PER1: variants seen among roughly 807,000 people sequenced by gnomAD.
PER1 encodes the protein period circadian regulator 1.
PER1 carries 87 observed loss-of-function variants against 125.9 expected under a neutral mutation model. That is an observed-to-expected ratio of 0.69 (90% CI 0.58 to 0.83). The LOEUF is 0.83. PER1 is among the 40% of genes least tolerant of loss of function. PER1 has a pLI of 0.00. For missense variants in PER1, 1,775 were observed against 1,722.8 expected (o/e 1.03, Z -0.54); for synonymous variants, 801 against 714.7 (o/e 1.12, Z -1.93).
At position 8,148,735 on chromosome 17, in the gene PER1, G is replaced by C; in HGVS notation, c.957C>G (p.Thr319=). 6.2e-7 allele frequency: 1 copy of C among 1,614,040 alleles called. No homozygotes were observed. ...PGPRYQPFRL[T]PYVTKIRVSD... ...AGACCCGGATCTTGGTCACATACGG[G>C]GTTAGGCGGAATGGCTGGTACCGAG... The change falls in exon 8 of 23, where the codon ACC becomes ACG. Residue 319 remains threonine, a synonymous_variant. Coordinates refer to ENST00000317276, the MANE Select transcript of PER1 (RefSeq NM_002616.3).
chr17:8,147,254 G>C lies in PER1; in HGVS notation c.1625C>G (p.Ala542Gly). Residue 542 changes from alanine to glycine, a missense_variant, in exon 13 of 23, where the codon GCG (alanine) becomes GGG (glycine). By Grantham distance (60) the Ala-to-Gly change is moderately conservative. Coordinates refer to ENST00000317276, the MANE Select transcript of PER1 (RefSeq NM_002616.3). ...AGGTAGGAGCAGGTCACTCACTGGC[G>C]CAGGAGGCCCAGGCCCCTCTGCATC... ...GGDAEGPGPP[A>G]PVTFQQICKD... The C allele has an allele frequency of 6.2e-7, 1 of 1,606,612 alleles. No homozygotes were observed.
intron 21 of PER1, 60 bp from the exon 22 acceptor site, chr17:8,142,015 T>C: frequency 1.2e-6 from 2 of 1,602,024 alleles, no homozygotes; most frequent in South Asian, 1.1e-5. Flanking sequence ...CCAGGACCCA[T>C]GAAGCTGGCA....
chr17:8,147,128 A>ACC, intron 13 of PER1, 122 bp downstream of exon 13: 12 of 1,411,046 alleles, frequency 8.5e-6, no homozygotes, highest in Non-Finnish European at 1.1e-5. Flanking sequence ...CAGGACAAGA[A>ACC]GGAAAAGGCA....
At position 8,146,059 on chromosome 17, in the gene PER1, A is replaced by G; in HGVS notation, c.2117T>C (p.Leu706Pro). The G allele has an allele frequency of 6.2e-7, 1 of 1,613,970 alleles. No individual in the cohort carries two copies. The highest frequency in any genetic ancestry group is 2.2e-5 in the East Asian group (1 of 44,878). Reference protein sequence around the residue: ...EPVVGGTLSPLALANKAESVV... With the variant: ...EPVVGGTLSPPALANKAESVV... ...ACTCTCCGCCTTATTGGCCAGGGCG[A>G]GCGGGCTCAGGGTGCCTCCCACCAC... Residue 706 changes from leucine to proline, a missense_variant, in exon 17 of 23, where the codon CTC becomes CCC. By Grantham distance (98) the Leu-to-Pro change is moderately conservative (BLOSUM62 -3). Coordinates refer to ENST00000317276, the MANE Select transcript of PER1 (RefSeq NM_002616.3).
intron 11 of PER1, 39 bp from the exon 12 acceptor site, chr17:8,147,617 T>C: frequency 6.2e-7 from 1 of 1,613,354 alleles, no homozygotes; most frequent in Non-Finnish European, 8.5e-7. Flanking sequence ...GGCCCGGTCC[T>C]GTCCCCCACC....
At position 8,149,832 on chromosome 17, in the gene PER1, G is replaced by A. The variant is rs377085589; in HGVS notation, c.574C>T (p.Pro192Ser). ...YQQWSLEEGE[P>S]CSMDMSTYTL... ...TAGGTGGACATGTCCATGGAGCAAG[G>A]CTCGCCCTCCTCCAGGCTCCACTGC... The change falls in exon 5 of 23, where the codon CCT becomes TCT. Residue 192 changes from proline (P) to serine (S), a missense_variant. Transcript: ENST00000317276. The A allele has an allele frequency of 6.2e-7, 1 of 1,614,032 alleles. No homozygotes were observed. Among genetic ancestry groups the A allele is most frequent in the African/African-American group, 1.3e-5 (1 of 75,060 alleles).
intron 19 of PER1, 108 bp from the exon 20 acceptor site, chr17:8,142,943 C>G: frequency 1.2e-6 from 1 of 827,520 alleles, no homozygotes; most frequent in Non-Finnish European, 1.9e-6. Context: ...CCAGTGGTCT[C>G]TGCTCCCCAC....
intron 1 of PER1, among the ~76,000 whole-genome samples, chr17:8,152,044 A>G (rs1292926290): frequency 6.6e-6 from 1 of 152,172 alleles, no homozygotes; most frequent in Non-Finnish European, 1.5e-5. Flanking sequence ...GGGCCCCTCG[A>G]GTAACGAGCA....
chr17:8,148,835 A>G (rs1339006043), intron 7 of PER1, 49 bp from the exon 8 acceptor site: 1 of 1,600,602 alleles, frequency 6.2e-7, no homozygotes, highest in East Asian at 2.2e-5. Flanking sequence ...AGAGCCACCC[A>G]CTCCTCCAAC....
In PER1 at chr17:8,146,369, T is replaced by C. The variant is rs1397471156; in HGVS notation, c.2038+3A>G. ...GTGGGAGCAGGGTGCATTGGATCTTTACCTTTCTTGGTCCCCACAGAGACT... is the reference window on the plus strand; with the variant it reads ...GTGGGAGCAGGGTGCATTGGATCTTCACCTTTCTTGGTCCCCACAGAGACT... On this transcript the variant is annotated splice_donor_region_variant and intron_variant, in intron 16 of 22. Transcript: ENST00000317276. 1 of 1,598,098 alleles carries C rather than the reference T, an allele frequency of 6.3e-7. No homozygotes were observed. The highest frequency in any genetic ancestry group is 8.5e-7 in the Non-Finnish European group (1 of 1,171,924).
Position 8,149,744 on chromosome 17 carries a change from C to G in PER1, c.651+11G>C. 1 of 1,612,542 alleles carries G rather than the reference C, an allele frequency of 6.2e-7. No individual in the cohort carries two copies. Among genetic ancestry groups the G allele is most frequent in the South Asian group, 1.1e-5 (1 of 91,086 alleles). Reference sequence around the variant, plus strand: ...GGTGCGTCGGGATGCAGAGGCCAGGCCGCCGCTGACCTGGTTCTGAAGTGT... The same window carrying G: ...GGTGCGTCGGGATGCAGAGGCCAGGGCGCCGCTGACCTGGTTCTGAAGTGT... On this transcript the variant is annotated intron_variant, in intron 5 of 22. Coordinates refer to ENST00000317276, the MANE Select transcript of PER1 (RefSeq NM_002616.3).
chr17:8,147,216 C>T (rs766017124), intron 13 of PER1, 34 bp downstream of exon 13: 28 of 1,578,366 alleles, frequency 1.8e-5, no homozygotes, highest in Admixed American at 3.7e-5. Context: ...GGGGAAAGGG[C>T]GATTAGAGGG....
rs398030276 is a variant in PER1, at chr17:8,145,324, C to CTTTTTTTT, written c.2219-339_2219-332dup. On this transcript the variant is annotated intron_variant, in intron 17 of 22. Coordinates refer to ENST00000317276, the MANE Select transcript of PER1 (RefSeq NM_002616.3). ...CCTTCCCTCACACATTTTCTTGTTT[C>CTTTTTTTT]TTTTTTTTTTTTTTTTTGACATGGA... Among the ~76,000 whole-genome samples, 6 of 125,516 alleles carry CTTTTTTTT rather than the reference C, an allele frequency of 4.8e-5. 1 individual carries two copies. The highest frequency in any genetic ancestry group is 9.7e-5 in the Non-Finnish European group (6 of 61,900). 82.3% of individuals were successfully genotyped at this position (125,516 alleles called of 152,430 possible).
chr17:8,147,306 C>T lies in PER1; in HGVS notation c.1573G>A (p.Gly525Arg), dbSNP rs775184626. ...VTSPGPLHSPGSSSDSNGGDA... is the reference protein window; with the variant it reads ...VTSPGPLHSPRSSSDSNGGDA... ...CCCCCGTTGCTATCACTGGAGGACC[C>T]AGGGCTGTGGAGAGGGCCTGGGGAT... The change falls in exon 13 of 23, where the codon GGG becomes AGG. Residue 525 changes from glycine (G) to arginine (R), a missense_variant. Physicochemically the swap from Gly to Arg is moderately radical, Grantham distance 125. Coordinates refer to ENST00000317276, the MANE Select transcript of PER1 (RefSeq NM_002616.3). 1 of 1,613,508 alleles carries T rather than the reference C, an allele frequency of 6.2e-7. No individual in the cohort carries two copies. The highest frequency in any genetic ancestry group is 1.7e-5 in the Admixed American group (1 of 59,992).
chr17:8,146,382 C>T lies in PER1; in HGVS notation c.2028G>A (p.Gly676=). The T allele has an allele frequency of 6.2e-7, 1 of 1,605,266 alleles. No homozygotes were observed. Among genetic ancestry groups the T allele is most frequent in the Non-Finnish European group, 8.5e-7 (1 of 1,175,598 alleles). The change falls in exon 16 of 23, where the codon GGG becomes GGA. Residue 676 remains glycine, a synonymous_variant. Transcript: ENST00000317276. The part of the protein sequence containing the change: ...DRQRTGPVSV[G]TKKDPPSAAL... ...GCATTGGATCTTTACCTTTCTTGGTCCCCACAGAGACTGGACCTGTCCTCT... is the reference window on the plus strand; with the variant it reads ...GCATTGGATCTTTACCTTTCTTGGTTCCCACAGAGACTGGACCTGTCCTCT...
In PER1 at chr17:8,142,672, C is replaced by A. The variant is rs139467756; in HGVS notation, c.3236G>T (p.Gly1079Val). The A allele has an allele frequency of 1.9e-6, 3 of 1,613,846 alleles. No homozygotes were observed. The African/African-American group carries it at 4.0e-5, about 22-fold the overall frequency. ...ACGAGTGATGCTGGCTGAGGTGCTG[C>A]CCCCTTCATGGGAGCCTGAACCAGA... Reference protein sequence around the residue: ...SGSGSGSHEGGSTSASITRSS... With the variant: ...SGSGSGSHEGVSTSASITRSS... Residue 1079 changes from glycine (G) to valine (V), a missense_variant, in exon 20 of 23, where the codon GGC becomes GTC. Transcript: ENST00000317276.
At position 8,146,988 on chromosome 17, in the gene PER1, C is replaced by G; in HGVS notation, c.1644G>C (p.Gln548His). 5 of 1,613,844 alleles carry G rather than the reference C, an allele frequency of 3.1e-6. No homozygotes were observed. Among genetic ancestry groups the G allele is most frequent in the Non-Finnish European group, 4.2e-6 (5 of 1,179,814 alleles). Residue 548 changes from glutamine to histidine, a missense_variant, in exon 14 of 23, where the codon CAG (glutamine) becomes CAC (histidine). Coordinates refer to ENST00000317276, the MANE Select transcript of PER1 (RefSeq NM_002616.3). ...PGPPAPVTFQ[Q>H]ICKDVHLVKH... The stretch of plus-strand genomic sequence containing the variant: ...TCACCAGATGCACATCCTTACAGAT[C>G]TGCTGGAAAGTCACCTGTGGGACAC...
At chr17:8,146,320 G>A in intron 16 of PER1, 52 bp downstream of exon 16, 2 of 1,554,174 alleles carry the variant, frequency 1.3e-6, no homozygotes, top group Non-Finnish European at 1.7e-6. Context: ...AAAAGACACA[G>A]GGCCACCAGG....
intron 6 of PER1, 63 bp downstream of exon 6, chr17:8,149,399 G>A (rs1042129171): frequency 1.2e-6 from 2 of 1,604,184 alleles, no homozygotes; most frequent in South Asian, 1.1e-5. Context: ...GGGTTCCCCG[G>A]CCCCTCACAG....
Sources: allele counts gnomAD v4.1 joint callset (sites outside exome capture counted in the v4.1 genomes callset), GRCh38; gene constraint gnomAD v4.1.1; transcripts MANE v1.5; gene names NCBI Gene and HGNC (gene_info 2026-07-23, HGNC 2026-07-21).